MAML2: variants seen among roughly 807,000 people sequenced by gnomAD.
MAML2 encodes the protein mastermind-like protein 2.
MAML2 carries 22 observed loss-of-function variants against 96.1 expected under a neutral mutation model. The observed-to-expected ratio is 0.23, with a 90% confidence interval of 0.16 to 0.33. The LOEUF is 0.33. MAML2 is among the 10% of genes least tolerant of loss of function. MAML2 has a pLI of 1.00. For missense variants in MAML2, 1,367 were observed against 1,392.4 expected (o/e 0.98, Z 0.29); for synonymous variants, 561 against 521.3 (o/e 1.08, Z -1.04).
intron 1 of MAML2, among the ~76,000 whole-genome samples, chr11:96,315,837 G>A (rs1863624102): frequency 6.6e-6 from 1 of 152,194 alleles, no homozygotes; most frequent in African/African-American, 2.4e-5. Context: ...CCCTGGTCTT[G>A]ACTACACAAG....
intron 1 of MAML2, among the ~76,000 whole-genome samples, chr11:96,146,521 CTGTTGTCTAACATTTT>C (rs1860824365): frequency 6.6e-6 from 1 of 152,194 alleles, no homozygotes; most frequent in African/African-American, 2.4e-5. Context: ...TGTTATGAGT[CTGTTGTCTAACATTTT>C]TGACCTTCAG....
At chr11:96,069,637 A>T (rs1406889798) in intron 2 of MAML2, among the ~76,000 whole-genome samples, 1 of 152,190 alleles carries the variant, frequency 6.6e-6, no homozygotes, top group Admixed American at 6.5e-5. Context: ...CCATAATGCC[A>T]GTGCACTCCA....
intron 1 of MAML2, among the ~76,000 whole-genome samples, chr11:96,124,607 A>G (rs545278823): frequency 5.6e-4 from 86 of 152,308 alleles, no homozygotes; most frequent in Admixed American, 1.8e-3. Context: ...AAAGTTCTGT[A>G]GACACCAGGC....
intron 1 of MAML2, among the ~76,000 whole-genome samples, chr11:96,220,424 G>C (rs183330621): frequency 6.6e-5 from 10 of 152,264 alleles, no homozygotes; most frequent in African/African-American, 2.4e-4. Context: ...GGGACTCAGA[G>C]TCAGCACATG....
rs571723090 is a variant in MAML2 at position 95,991,873 on chromosome 11, T to C, written c.2140-150A>G. The C allele has an allele frequency of 5.2e-5, 34 of 658,582 alleles. No individual in the cohort carries two copies. The African/African-American group carries it at 6.0e-4, about 12-fold the overall frequency. The allele number at this position is 658,582 out of a possible 1,614,324, so 40.8% of individuals were successfully genotyped here. On this transcript the variant is annotated intron_variant, in intron 2 of 4. Transcript: ENST00000524717. ...GGTTGGAGATCAGAGAATCGCTTTT[T>C]AAATGTAGAAGAAATAATTGCATAA...
chr11:96,189,835 A>C (rs1861627324), intron 1 of MAML2, among the ~76,000 whole-genome samples: 1 of 152,214 alleles, frequency 6.6e-6, no homozygotes, highest in Non-Finnish European at 1.5e-5. Context: ...GAACTGGGAT[A>C]CTTATATTTT....
intron 1 of MAML2, among the ~76,000 whole-genome samples, chr11:96,113,486 C>G (rs984161282): frequency 1.9e-4 from 29 of 151,618 alleles, no homozygotes; most frequent in Non-Finnish European, 4.1e-4. Flanking sequence ...TTTTAGTCTC[C>G]CACCAGCTTC....
At chr11:96,325,171 G>A (rs375573006) in intron 1 of MAML2, among the ~76,000 whole-genome samples, 2 of 151,922 alleles carry the variant, frequency 1.3e-5, no homozygotes, top group African/African-American at 2.4e-5. Context: ...GACATTCAAC[G>A]TCCCCATCTA....
At chr11:96,163,965 C>T (rs113029234) in intron 1 of MAML2, among the ~76,000 whole-genome samples, 4 of 150,632 alleles carry the variant, frequency 2.7e-5, no homozygotes, top group East Asian at 2.0e-4. Flanking sequence ...CGGGTTCAAG[C>T]GATTCTCCTA....
intron 1 of MAML2, among the ~76,000 whole-genome samples, chr11:96,336,110 C>G (rs1223795354): frequency 6.6e-6 from 1 of 152,056 alleles, no homozygotes; most frequent in Non-Finnish European, 1.5e-5. Context: ...AAGAAAATAA[C>G]AAAATTATTT....
At chr11:96,252,163 T>TTC (rs1376197362) in intron 1 of MAML2, among the ~76,000 whole-genome samples, 1 of 151,370 alleles carries the variant, frequency 6.6e-6, no homozygotes, top group Non-Finnish European at 1.5e-5. Context: ...AAATATGTGC[T>TTC]TCTCTCTCTC....
At chr11:96,123,899 G>A (rs555544595) in intron 1 of MAML2, among the ~76,000 whole-genome samples, 7 of 151,880 alleles carry the variant, frequency 4.6e-5, no homozygotes, top group East Asian at 1.9e-4. Flanking sequence ...GTGAAAACCC[G>A]TCTCTACTAA....
At chr11:96,170,658 T>C (rs1032598816) in intron 1 of MAML2, among the ~76,000 whole-genome samples, 10 of 152,154 alleles carry the variant, frequency 6.6e-5, no homozygotes, top group Non-Finnish European at 1.3e-4. Context: ...GGCTAATGCA[T>C]GGGGCTGGAA....
chr11:96,000,022 C>A (rs545299), intron 2 of MAML2, among the ~76,000 whole-genome samples: 2,971 of 152,248 alleles, frequency 0.02, 95 homozygotes, highest in African/African-American at 0.068. Context: ...GACTGAAAAA[C>A]AAGTTGTCTG....
chr11:96,206,747 A>G (rs371582974), intron 1 of MAML2, among the ~76,000 whole-genome samples: 4 of 152,216 alleles, frequency 2.6e-5, no homozygotes, highest in South Asian at 2.1e-4. Flanking sequence ...AAAGTCAACT[A>G]TGTGAGAAAA....
At chr11:96,293,659 G>A (rs556989713) in intron 1 of MAML2, among the ~76,000 whole-genome samples, 128 of 152,248 alleles carry the variant, frequency 8.4e-4, no homozygotes, top group African/African-American at 3.0e-3. Flanking sequence ...GAAAAAATGA[G>A]ACACAGCCAA....
intron 2 of MAML2, among the ~76,000 whole-genome samples, chr11:96,062,518 C>A (rs1323942998): frequency 6.6e-6 from 1 of 152,094 alleles, no homozygotes; most frequent in Non-Finnish European, 1.5e-5. Context: ...ATTTTAGGGG[C>A]TACAATAAGG....
intron 1 of MAML2, among the ~76,000 whole-genome samples, chr11:96,250,249 A>T (rs1862564819): frequency 6.7e-6 from 1 of 148,510 alleles, no homozygotes; most frequent in Non-Finnish European, 1.5e-5. Context: ...TTTAAAATTT[A>T]AAAATTTTTT....
rs80104313 is a variant in MAML2 at position 96,320,269 on chromosome 11, C to T, written c.513+21114G>A. 1.5e-3 allele frequency among the ~76,000 whole-genome samples: 231 copies of T among 152,326 alleles called. 2 individuals carry two copies. The highest frequency in any genetic ancestry group is 5.5e-3 in the African/African-American group (227 of 41,572). ...CAAATTCCACCACAGCAAACCTAAGCAATGAAGTACAGTCAGGGGTCTGCT... is the reference window on the plus strand; with the variant it reads ...CAAATTCCACCACAGCAAACCTAAGTAATGAAGTACAGTCAGGGGTCTGCT... On this transcript the variant is annotated intron_variant, in intron 1 of 4. Coordinates refer to ENST00000524717, the MANE Select transcript of MAML2 (RefSeq NM_032427.4).
Sources: gnomAD v4.1 joint callset for allele counts (sites outside exome capture counted in the v4.1 genomes callset) on GRCh38, gnomAD v4.1.1 for gene constraint, MANE v1.5 for transcripts, NCBI Gene and HGNC (gene_info 2026-07-23, HGNC 2026-07-21) for gene names.